Variants in THRAP3 observed in about 807,000 individuals in gnomAD.
THRAP3 encodes the protein thyroid hormone receptor-associated protein 3.
Under a neutral mutation model 101.0 loss-of-function variants are expected in THRAP3, and 16 were observed. The observed-to-expected ratio is 0.16, with a 90% confidence interval of 0.11 to 0.24. The LOEUF (loss-of-function observed/expected upper bound fraction) is 0.24, where lower values mean the gene tolerates loss of function less well. Ranked by LOEUF, THRAP3 falls within the 10% of genes least tolerant of loss-of-function variation. THRAP3 has a pLI of 1.00. For synonymous variants in THRAP3, 407 were observed against 422.6 expected (o/e 0.96, Z 0.45); for missense variants, 989 against 1,202.7 (o/e 0.82, Z 2.63).
chr1:36,267,140 T>C (rs908072209), intron 2 of THRAP3, among the ~76,000 whole-genome samples: 1 of 152,134 alleles, frequency 6.6e-6, no homozygotes, highest in Non-Finnish European at 1.5e-5. Flanking sequence ...CGCCTCGGCC[T>C]CCCAAAGTGC....
intron 11 of THRAP3, among the ~76,000 whole-genome samples, chr1:36,302,967 AG>A (rs1646048905): frequency 6.6e-6 from 1 of 152,180 alleles, no homozygotes; most frequent in Non-Finnish European, 1.5e-5. Flanking sequence ...GGAAAGCCCC[AG>A]CCCCAACATT....
rs1205126100 is a variant in THRAP3, at chr1:36,252,951, T to C, written c.-134-6431T>C. Among the ~76,000 whole-genome samples the C allele has an allele frequency of 2.2e-5, 3 of 138,906 alleles. No homozygotes were observed. The East Asian group carries it at 6.3e-4, about 29-fold the overall frequency. The allele number at this position is 138,906 out of a possible 152,430, so 91.1% of individuals were successfully genotyped here. A position where few individuals can be genotyped will look rare whatever the true frequency, so the allele number is the denominator to read the frequency against. On this transcript the variant is annotated intron_variant, in intron 1 of 11. Transcript: ENST00000354618. ...GCATATATATATATATATATATATA[T>C]ATATATATATATATATATAAATGTA...
intron 1 of THRAP3, among the ~76,000 whole-genome samples, chr1:36,236,818 T>C (rs1284756627): frequency 6.6e-6 from 1 of 152,196 alleles, no homozygotes; most frequent in African/African-American, 2.4e-5. Flanking sequence ...GTAAACAATT[T>C]GGGGACAATT....
At chr1:36,292,420 C>T (rs185484414) in intron 6 of THRAP3, among the ~76,000 whole-genome samples, 178 bp from the exon 7 acceptor site, 38 of 151,244 alleles carry the variant, frequency 2.5e-4, no homozygotes, top group Admixed American at 5.3e-4. Context: ...TACAGGCGCC[C>T]GCCACCATGC....
intron 1 of THRAP3, among the ~76,000 whole-genome samples, chr1:36,237,492 T>TG (rs1178355368): frequency 7.3e-6 from 1 of 136,414 alleles, no homozygotes. Flanking sequence ...AAAAAAAGGC[T>TG]GGGCGCGATG....
chr1:36,232,376 C>CTATTACATTGGGAATT (rs1165941755), intron 1 of THRAP3, among the ~76,000 whole-genome samples: 13 of 152,116 alleles, frequency 8.5e-5, no homozygotes, highest in African/African-American at 3.1e-4. Flanking sequence ...TATCTTTGTA[C>CTATTACATTGGGAATT]ACATGTATCT....
At chr1:36,275,116 T>TAAACAC (rs1553122255) in intron 2 of THRAP3, among the ~76,000 whole-genome samples, 2 of 139,478 alleles carry the variant, frequency 1.4e-5, no homozygotes, top group East Asian at 4.5e-4. Flanking sequence ...TACTAAAAAA[T>TAAACAC]ACACACACAC....
chr1:36,289,038 T>G (rs1645830808), intron 4 of THRAP3, 22 bp from the exon 5 acceptor site: 1 of 1,542,160 alleles, frequency 6.5e-7, no homozygotes, highest in Non-Finnish European at 8.7e-7. Flanking sequence ...CTTGTGTCTC[T>G]CTCTTGTGTT....
chr1:36,214,927 A>G, the THRAP3 span, among the ~76,000 whole-genome samples: 1 of 151,990 alleles, frequency 6.6e-6, no homozygotes, highest in South Asian at 2.1e-4. Flanking sequence ...CCCTGCTTAT[A>G]AACCTTTCAA....
upstream of THRAP3, among the ~76,000 whole-genome samples, chr1:36,220,482 C>A (rs1275766910): frequency 2.0e-5 from 3 of 151,904 alleles, no homozygotes; most frequent in Non-Finnish European, 4.4e-5. Flanking sequence ...TCGAGACCAG[C>A]CTGGTCAAAA....
At chr1:36,218,881 A>T in the THRAP3 span, among the ~76,000 whole-genome samples, 1 of 151,894 alleles carries the variant, frequency 6.6e-6, no homozygotes, top group African/African-American at 2.4e-5. Context: ...AAAAATACTA[A>T]AACTAGCCAA....
intron 9 of THRAP3, among the ~76,000 whole-genome samples, chr1:36,297,564 T>G (rs1172380524): frequency 6.7e-6 from 1 of 149,582 alleles, no homozygotes; most frequent in Non-Finnish European, 1.5e-5. Context: ...TTCTCCTGCC[T>G]CAGCCTCCTG....
chr1:36,241,798 C>G (rs1041479156), intron 1 of THRAP3: 2 of 152,106 alleles, frequency 1.3e-5, no homozygotes, highest in African/African-American at 2.4e-5. Flanking sequence ...AGGCTGGCCT[C>G]GAACTCCTGA....
chr1:36,255,588 G>C (rs1037724502), intron 1 of THRAP3, among the ~76,000 whole-genome samples: 4 of 151,990 alleles, frequency 2.6e-5, no homozygotes, highest in Non-Finnish European at 5.9e-5. Flanking sequence ...GGGTAACATG[G>C]TGAAACCCTG....
In THRAP3 at chr1:36,286,583, A is replaced by G. The variant is rs1243639168; in HGVS notation, c.353A>G (p.Tyr118Cys). The part of the protein sequence containing the change: ...RSNWQNYRQA[Y>C]SPRRGRSRSR... ...AATTGGCAGAATTACCGGCAAGCAT[A>G]CAGTCCTCGTCGAGGCCGTTCAAGA... Residue 118 changes from tyrosine to cysteine, a missense_variant, in exon 4 of 12, where the codon TAC (tyrosine) becomes TGC (cysteine). Coordinates refer to ENST00000354618, the MANE Select transcript of THRAP3 (RefSeq NM_005119.4). This position sits in a 1 kb window ranked among gnomAD's most constrained non-coding sequence, Gnocchi z 5.5. The G allele has an allele frequency of 1.3e-5, 21 of 1,614,070 alleles. No individual in the cohort carries two copies. The highest frequency in any genetic ancestry group is 1.7e-5 in the Non-Finnish European group (20 of 1,180,036).
chr1:36,260,821 C>CAAA (rs34066117), intron 2 of THRAP3, among the ~76,000 whole-genome samples: 4 of 70,184 alleles, frequency 5.7e-5, no homozygotes, highest in African/African-American at 1.6e-4. Flanking sequence ...GACTACGTCT[C>CAAA]AAAAAAAAAA....
chr1:36,280,691 C>G (rs1645719608), intron 2 of THRAP3, among the ~76,000 whole-genome samples: 1 of 152,164 alleles, frequency 6.6e-6, no homozygotes, highest in African/African-American at 2.4e-5. Context: ...TTGATAGATT[C>G]CTTACTCTTA....
chr1:36,249,549 T>C (rs1350053270), intron 1 of THRAP3, among the ~76,000 whole-genome samples: 2 of 152,076 alleles, frequency 1.3e-5, no homozygotes, highest in Admixed American at 1.3e-4. Flanking sequence ...TTAATTACAA[T>C]ACAGGATGAT....
At chr1:36,256,480 C>T (rs1295671237) in intron 1 of THRAP3, among the ~76,000 whole-genome samples, 11 of 152,108 alleles carry the variant, frequency 7.2e-5, no homozygotes, top group African/African-American at 2.7e-4. Flanking sequence ...CCGCCTCGGC[C>T]TCCCAAAGTG....
Sources: allele counts gnomAD v4.1 joint callset (sites outside exome capture counted in the v4.1 genomes callset), GRCh38; gene constraint gnomAD v4.1.1; non-coding constraint Gnocchi (gnomAD v3.1); transcripts MANE v1.5; gene names NCBI Gene and HGNC (gene_info 2026-07-23, HGNC 2026-07-21).